Variants in STPG2 observed in about 807,000 individuals in gnomAD.
STPG2 encodes the protein sperm-tail PG-rich repeat-containing protein 2.
A neutral mutation model predicts 54.2 loss-of-function variants in STPG2; 56 were observed. The ratio of observed to expected loss-of-function variants is 1.03; its 90% confidence interval spans 0.83 to 1.29. The LOEUF is 1.29. Among genes scored for constraint, STPG2 ranks in the 50% most tolerant of loss-of-function variants. The pLI is 0.00. For missense variants in STPG2, 596 were observed against 544.9 expected, an observed-to-expected ratio of 1.09 and a Z score of -0.93; for synonymous variants, 200 against 181.8, an observed-to-expected ratio of 1.10 and a Z score of -0.81.
intron 10 of STPG2, among the ~76,000 whole-genome samples, chr4:97,603,376 A>G (rs1191381919): frequency 2.6e-5 from 4 of 151,706 alleles, no homozygotes; most frequent in Non-Finnish European, 5.9e-5. Context: ...AATGTAGAAT[A>G]GTGTAGCTAC....
intron 8 of STPG2, among the ~76,000 whole-genome samples, chr4:97,877,357 A>G (rs1198832627): frequency 6.6e-6 from 1 of 152,124 alleles, no homozygotes; most frequent in Non-Finnish European, 1.5e-5. Flanking sequence ...ATGAACACAC[A>G]TTTCTCAAAA....
chr4:98,114,753 ATTTTTT>A (rs33980852), intron 3 of STPG2, among the ~76,000 whole-genome samples: 1 of 145,950 alleles, frequency 6.9e-6, no homozygotes, highest in African/African-American at 2.5e-5. Flanking sequence ...AATAATATCC[ATTTTTT>A]TTTTTTTGTG....
At chr4:97,728,739 G>C (rs890510466) in intron 9 of STPG2, among the ~76,000 whole-genome samples, 8 of 151,760 alleles carry the variant, frequency 5.3e-5, no homozygotes, top group African/African-American at 1.9e-4. Flanking sequence ...TACCTAACCT[G>C]ATCAAACCAC....
chr4:97,775,303 G>A lies in STPG2; in HGVS notation c.1205-62489C>T, dbSNP rs1005855311. Among the ~76,000 whole-genome samples, 4 of 152,198 alleles carry A rather than the reference G, an allele frequency of 2.6e-5. No individual in the cohort carries two copies. In the East Asian group the frequency reaches 5.8e-4, roughly 22 times the overall value. ...AAAACAGAGGCTACACGTGCACAACGTGCAGGTTTGTTACATATGTATACA... is the reference window on the plus strand; with the variant it reads ...AAAACAGAGGCTACACGTGCACAACATGCAGGTTTGTTACATATGTATACA... On this transcript the variant is annotated intron_variant, in intron 9 of 10. Coordinates refer to ENST00000295268, the MANE Select transcript of STPG2 (RefSeq NM_174952.3).
intron 4 of STPG2, among the ~76,000 whole-genome samples, chr4:97,462,711 A>G (rs1424441770): frequency 6.6e-6 from 1 of 151,990 alleles, no homozygotes; most frequent in Non-Finnish European, 1.5e-5. Context: ...GATAGCTATA[A>G]ATTTTAATTT....
At chr4:97,801,536 G>A (rs948154831) in intron 9 of STPG2, among the ~76,000 whole-genome samples, 2 of 152,182 alleles carry the variant, frequency 1.3e-5, no homozygotes, top group African/African-American at 4.8e-5. Context: ...GCTATGGTGA[G>A]TATGCAAACC....
intron 4 of STPG2, among the ~76,000 whole-genome samples, chr4:97,529,244 T>C (rs1291593804): frequency 1.3e-5 from 2 of 152,210 alleles, no homozygotes; most frequent in Non-Finnish European, 2.9e-5. Context: ...GATAATCATG[T>C]GATTTTTGTC....
At chr4:97,851,571 A>T (rs564066895) in intron 8 of STPG2, among the ~76,000 whole-genome samples, 1 of 152,324 alleles carries the variant, frequency 6.6e-6, no homozygotes, top group Admixed American at 6.5e-5. Flanking sequence ...TTTTTCAAAT[A>T]TTGCTTTTGC....
chr4:97,603,605 A>G (rs1029261748), intron 10 of STPG2, among the ~76,000 whole-genome samples: 1 of 151,372 alleles, frequency 6.6e-6, no homozygotes, highest in African/African-American at 2.4e-5. Context: ...ATATATCTAT[A>G]TATATACACA....
chr4:97,820,856 A>G (rs1476881105), intron 9 of STPG2, among the ~76,000 whole-genome samples: 3 of 152,152 alleles, frequency 2.0e-5, no homozygotes, highest in Non-Finnish European at 4.4e-5. Context: ...GAAAGCCCCA[A>G]GCCAGAATGG....
chr4:97,497,859 A>T (rs190999773), intron 4 of STPG2, among the ~76,000 whole-genome samples: 1 of 151,762 alleles, frequency 6.6e-6, no homozygotes, highest in Admixed American at 6.6e-5. Context: ...TGATGCCTAC[A>T]TTTCTCATTA....
At chr4:97,766,081 T>C (rs1167793532) in intron 9 of STPG2, among the ~76,000 whole-genome samples, 3 of 152,092 alleles carry the variant, frequency 2.0e-5, no homozygotes, top group African/African-American at 7.2e-5. Flanking sequence ...ATATATTTAG[T>C]CAGGGATGGT....
intron 10 of STPG2, among the ~76,000 whole-genome samples, chr4:97,588,765 T>C (rs998782729): frequency 6.6e-6 from 1 of 152,110 alleles, no homozygotes; most frequent in South Asian, 2.1e-4. Context: ...TTCCAAGATA[T>C]ATTTTAAAAG....
intron 8 of STPG2, among the ~76,000 whole-genome samples, chr4:97,870,412 C>A (rs1169029172): frequency 6.6e-6 from 1 of 150,870 alleles, no homozygotes; most frequent in Non-Finnish European, 1.5e-5. Context: ...ATTATATGAA[C>A]AAAACTACAT....
intron 6 of STPG2, among the ~76,000 whole-genome samples, chr4:97,980,873 T>C (rs1734652809): frequency 6.6e-6 from 1 of 152,142 alleles, no homozygotes; most frequent in South Asian, 2.1e-4. Context: ...TATATTATGT[T>C]GTTCATCTGC....
intron 10 of STPG2, among the ~76,000 whole-genome samples, chr4:97,680,402 G>A (rs570586812): frequency 6.6e-6 from 1 of 152,104 alleles, no homozygotes; most frequent in Non-Finnish European, 1.5e-5. Flanking sequence ...GTGAATGGGA[G>A]TTCACTCATG....
intron 5 of STPG2, among the ~76,000 whole-genome samples, chr4:98,097,726 TAA>T (rs1738901658): frequency 2.6e-5 from 4 of 152,134 alleles, no homozygotes; most frequent in Non-Finnish European, 5.9e-5. Context: ...CTGGAAAACC[TAA>T]AGACTCCACA....
intron 10 of STPG2, among the ~76,000 whole-genome samples, chr4:97,582,448 T>C (rs1201183818): frequency 6.6e-6 from 1 of 152,024 alleles, no homozygotes; most frequent in Non-Finnish European, 1.5e-5. Flanking sequence ...GTAGAAGATA[T>C]TATCTTTATT....
chr4:97,947,426 G>C (rs1204720849), intron 7 of STPG2, among the ~76,000 whole-genome samples: 1 of 151,892 alleles, frequency 6.6e-6, no homozygotes, highest in Non-Finnish European at 1.5e-5. Flanking sequence ...GTCTGGCTAG[G>C]ACTTCTGGTA....
Sources: allele counts gnomAD v4.1 joint callset (sites outside exome capture counted in the v4.1 genomes callset), GRCh38; gene constraint gnomAD v4.1.1; transcripts MANE v1.5; gene names NCBI Gene and HGNC (gene_info 2026-07-23, HGNC 2026-07-21).